Variants in PRR16 observed in about 807,000 individuals in gnomAD.
PRR16 encodes proline rich 16, also known as protein Largen.
PRR16 carries 6 observed loss-of-function variants against 18.2 expected under a neutral mutation model. The ratio of observed to expected loss-of-function variants is 0.33; its 90% CI spans 0.18 to 0.65. The LOEUF (loss-of-function observed/expected upper bound fraction) is 0.65, where lower values mean the gene tolerates loss of function less well. PRR16 is among the 30% of genes least tolerant of loss of function. The pLI is 0.74. For synonymous variants in PRR16, 151 were observed against 147.8 expected, an observed-to-expected ratio of 1.02 and a Z score of -0.16; for missense variants, 412 against 376.6, an observed-to-expected ratio of 1.09 and a Z score of -0.78.
At chr5:120,536,892 G>A (rs1268812748) in intron 1 of PRR16, among the ~76,000 whole-genome samples, 5 of 152,172 alleles carry the variant, frequency 3.3e-5, no homozygotes, top group African/African-American at 7.2e-5. Context: ...GTCTTTTGTG[G>A]CAGCATGTGT....
chr5:120,667,067 C>T lies in PRR16; in HGVS notation c.160-18887C>T, dbSNP rs553672759. Among the ~76,000 whole-genome samples the T allele has an allele frequency of 7.4e-3, 1,130 of 151,882 alleles. 12 individuals carry two copies. Among genetic ancestry groups the T allele is most frequent in the Non-Finnish European group, 0.011 (735 of 67,952 alleles). On this transcript the variant is annotated intron_variant, in intron 1 of 1. Transcript: ENST00000407149. Reference sequence around the variant, plus strand: ...TCCTCCTTGTACCTCTGGTAGAATTCGGCTGTGAATCCATCTGGTCCTGGA... The same window carrying T: ...TCCTCCTTGTACCTCTGGTAGAATTTGGCTGTGAATCCATCTGGTCCTGGA...
chr5:120,565,281 T>C (rs1297376552), intron 1 of PRR16, among the ~76,000 whole-genome samples: 1 of 152,180 alleles, frequency 6.6e-6, no homozygotes, highest in Middle Eastern at 3.2e-3. Flanking sequence ...TTCAATTTCT[T>C]TATGTGTGAT....
intron 1 of PRR16, among the ~76,000 whole-genome samples, chr5:120,575,137 A>T (rs1753031394): frequency 6.6e-6 from 1 of 152,136 alleles, no homozygotes; most frequent in South Asian, 2.1e-4. Context: ...TGTGTAGGCA[A>T]ATATAGAGAA....
chr5:120,792,932 C>T, the PRR16 span, among the ~76,000 whole-genome samples: 1 of 149,492 alleles, frequency 6.7e-6, no homozygotes, highest in Non-Finnish European at 1.5e-5. Flanking sequence ...CCAGGGGGAT[C>T]ACTTGAGCTT....
At chr5:120,731,989 T>C in the PRR16 span, among the ~76,000 whole-genome samples, 48 of 152,154 alleles carry the variant, frequency 3.2e-4, no homozygotes, top group African/African-American at 1.1e-3. Flanking sequence ...CAAATGGGTC[T>C]TGACAGGAAT....
chr5:120,642,093 C>G (rs1755441007), intron 1 of PRR16, among the ~76,000 whole-genome samples: 1 of 152,078 alleles, frequency 6.6e-6, no homozygotes, highest in South Asian at 2.1e-4. Context: ...CTCTATTTAT[C>G]CGTTCCTTTG....
chr5:120,488,038 T>G (rs564607379), intron 1 of PRR16, among the ~76,000 whole-genome samples: 4,138 of 152,228 alleles, frequency 0.027, 52 homozygotes, highest in East Asian at 0.032. Context: ...TGTGCTACTG[T>G]ATTTGGTTTG....
intron 1 of PRR16, among the ~76,000 whole-genome samples, chr5:120,590,494 A>G (rs963622729): frequency 6.1e-5 from 5 of 82,170 alleles, no homozygotes; most frequent in Non-Finnish European, 1.2e-4. Context: ...TACTCATTCT[A>G]TAAAGCCTGA....
At chr5:120,739,203 C>T in the PRR16 span, among the ~76,000 whole-genome samples, 1 of 152,072 alleles carries the variant, frequency 6.6e-6, no homozygotes, top group Admixed American at 6.6e-5. Flanking sequence ...GTAACAAGAA[C>T]AATCCTTTAA....
At chr5:120,712,646 G>A in the PRR16 span, among the ~76,000 whole-genome samples, 8 of 151,972 alleles carry the variant, frequency 5.3e-5, no homozygotes, top group Admixed American at 3.9e-4. Flanking sequence ...TTTTAAAATG[G>A]GAAAAGGATC....
At chr5:120,536,668 T>C (rs971227664) in intron 1 of PRR16, among the ~76,000 whole-genome samples, 3 of 152,228 alleles carry the variant, frequency 2.0e-5, no homozygotes, top group African/African-American at 4.8e-5. Context: ...TCTGTCCTCA[T>C]TGGGCACTGA....
chr5:120,654,359 G>C (rs1172749684), intron 1 of PRR16, among the ~76,000 whole-genome samples: 1 of 151,846 alleles, frequency 6.6e-6, no homozygotes, highest in Non-Finnish European at 1.5e-5. Flanking sequence ...TGTAACCTTT[G>C]CTTCTTTGCA....
the PRR16 span, among the ~76,000 whole-genome samples, chr5:120,706,491 A>AT: frequency 2.6e-5 from 4 of 152,142 alleles, no homozygotes; most frequent in Non-Finnish European, 5.9e-5. Context: ...CACACAAGGA[A>AT]TTTTTTTAAG....
At chr5:120,718,877 C>G in the PRR16 span, among the ~76,000 whole-genome samples, 2 of 152,014 alleles carry the variant, frequency 1.3e-5, no homozygotes, top group African/African-American at 4.8e-5. Context: ...AAGATTGTAA[C>G]CATTACCACA....
intron 1 of PRR16, among the ~76,000 whole-genome samples, chr5:120,679,567 G>A (rs1756908202): frequency 6.6e-6 from 1 of 152,056 alleles, no homozygotes; most frequent in Admixed American, 6.5e-5. Flanking sequence ...ATAAAACACA[G>A]CACCCTTCAG....
intron 1 of PRR16, among the ~76,000 whole-genome samples, chr5:120,492,265 TG>T (rs1750082733): frequency 2.1e-4 from 27 of 130,000 alleles, no homozygotes; most frequent in African/African-American, 8.2e-4. Flanking sequence ...AGTGTGTGTG[TG>T]TGTGTGTGTG....
chr5:120,755,625 T>C, the PRR16 span, among the ~76,000 whole-genome samples: 1 of 152,154 alleles, frequency 6.6e-6, no homozygotes, highest in Non-Finnish European at 1.5e-5. Flanking sequence ...CTTTATCCAG[T>C]CCACTGTCGA....
chr5:120,569,257 T>G (rs975141520), intron 1 of PRR16, among the ~76,000 whole-genome samples: 1 of 152,204 alleles, frequency 6.6e-6, no homozygotes, highest in Non-Finnish European at 1.5e-5. Context: ...TTTCATAAGC[T>G]TGTGAATTTT....
At chr5:120,589,520 C>A (rs1437072983) in intron 1 of PRR16, among the ~76,000 whole-genome samples, 1 of 152,068 alleles carries the variant, frequency 6.6e-6, no homozygotes, top group Non-Finnish European at 1.5e-5. Flanking sequence ...TCTCACACTG[C>A]TGATAAAGAC....
Sources: gnomAD v4.1 joint callset for allele counts (sites outside exome capture counted in the v4.1 genomes callset) on GRCh38, gnomAD v4.1.1 for gene constraint, MANE v1.5 for transcripts, NCBI Gene and HGNC (gene_info 2026-07-23, HGNC 2026-07-21) for gene names.